Variants in AGK observed in about 807,000 individuals in gnomAD.
AGK encodes acylglycerol kinase, mitochondrial.
In AGK, 52 loss-of-function variants were observed where a neutral mutation model predicts 66.4. The ratio of observed to expected loss-of-function variants is 0.78; its 90% CI spans 0.63 to 0.99. AGK has a LOEUF of 0.99. AGK is among the 50% of genes least tolerant of loss of function. AGK has a pLI of 0.00. For synonymous variants in AGK, 182 were observed against 181.1 expected (o/e 1.00, Z -0.04); for missense variants, 451 against 506.6 (o/e 0.89, Z 1.05).
intron 5 of AGK, among the ~76,000 whole-genome samples, chr7:141,604,827 CT>C (rs1796423507): frequency 6.6e-6 from 1 of 151,964 alleles, no homozygotes; most frequent in Non-Finnish European, 1.5e-5. Flanking sequence ...CGTGATCTGC[CT>C]GCCTCGGCCT....
chr7:141,583,710 C>T (rs971170495), intron 2 of AGK, among the ~76,000 whole-genome samples: 2 of 151,738 alleles, frequency 1.3e-5, no homozygotes, highest in African/African-American at 2.4e-5. Flanking sequence ...TGTCTTCCTG[C>T]GTCCGTGACT....
intron 2 of AGK, among the ~76,000 whole-genome samples, chr7:141,566,782 C>T (rs1795480218): frequency 6.6e-6 from 1 of 152,190 alleles, no homozygotes; most frequent in Non-Finnish European, 1.5e-5. Flanking sequence ...TCCATTTCCT[C>T]ACTTGTATCT....
At chr7:141,615,435 A>G (rs532523468) in intron 7 of AGK, 36 bp from the exon 8 acceptor site, 2 of 1,569,608 alleles carry the variant, frequency 1.3e-6, no homozygotes, top group African/African-American at 1.4e-5. Context: ...TTTTCTGATC[A>G]TAACAATAAA....
intron 1 of AGK, among the ~76,000 whole-genome samples, chr7:141,552,863 C>A (rs1795126136): frequency 6.6e-6 from 1 of 152,170 alleles, no homozygotes; most frequent in Non-Finnish European, 1.5e-5. Context: ...TTGCTAAATT[C>A]TCCCCAGCGT....
Position 141,633,981 on chromosome 7 carries a change from G to C in AGK, c.668+1G>C. 6.2e-7 allele frequency: 1 copy of C among 1,612,396 alleles called. No homozygotes were observed. Among genetic ancestry groups the C allele is most frequent in the East Asian group, 2.2e-5 (1 of 44,882 alleles). On this transcript the variant is annotated splice_donor_variant, in intron 10 of 15. Coordinates refer to ENST00000649286, the MANE Select transcript of AGK (RefSeq NM_018238.4). LOFTEE classifies it high-confidence loss of function. ...GAGATGCTGGCGTCAAAGTTAGCAA[G>C]TAAAGGATTACTATATTGATGTGTG... is the stretch of plus-strand genomic sequence containing the variant.
At chr7:141,632,408 G>A (rs1196180990) in intron 9 of AGK, among the ~76,000 whole-genome samples, 1 of 152,100 alleles carries the variant, frequency 6.6e-6, no homozygotes, top group East Asian at 1.9e-4. Flanking sequence ...CCTCTTGGTT[G>A]CTGATGCCCC....
At position 141,634,104 on chromosome 7, in the gene AGK, T is replaced by C. The variant is rs957114585; in HGVS notation, c.668+124T>C. On this transcript the variant is annotated intron_variant, in intron 10 of 15. Transcript: ENST00000649286. ...TTTGGTGGGCCTGGAGGTTGAATTA[T>C]GTGTGAATAATGGAGGTAGGAACAA... 1.3e-5 allele frequency: 10 copies of C among 799,662 alleles called. No homozygotes were observed. In the African/African-American group the frequency reaches 1.5e-4, roughly 12 times the overall value. The allele number at this position is 799,662 out of a possible 1,614,324, so 49.5% of individuals were successfully genotyped here.
rs566783916 is a variant in AGK, at chr7:141,581,830, TAA to T, written c.102-11312_102-11311del. On this transcript the variant is annotated intron_variant, in intron 2 of 15. Coordinates refer to ENST00000649286, the MANE Select transcript of AGK (RefSeq NM_018238.4). ...AGGGAGCTGGGCAGGTGGGGATAAC[TAA>T]AAAGAGTGCATAAAAGAATGTTGTC... Among the ~76,000 whole-genome samples, 209 of 151,860 alleles carry T rather than the reference TAA, an allele frequency of 1.4e-3. 5 individuals are homozygous for T. The highest frequency in any genetic ancestry group is 4.9e-3 in the African/African-American group (201 of 41,274).
At chr7:141,587,060 A>G (rs1455151696) in intron 2 of AGK, among the ~76,000 whole-genome samples, 1 of 152,156 alleles carries the variant, frequency 6.6e-6, no homozygotes, top group Non-Finnish European at 1.5e-5. Context: ...ACCCAGAACT[A>G]AGCTCAGTTT....
intron 1 of AGK, among the ~76,000 whole-genome samples, chr7:141,554,293 T>C (rs1183549197): frequency 1.3e-5 from 2 of 151,620 alleles, no homozygotes; most frequent in African/African-American, 2.4e-5. Context: ...TGAGCTATGA[T>C]TGTGCCACTG....
chr7:141,556,771 C>G (rs1166422431), intron 2 of AGK, among the ~76,000 whole-genome samples: 1 of 152,084 alleles, frequency 6.6e-6, no homozygotes, highest in East Asian at 1.9e-4. Context: ...TCCTCCATCC[C>G]CTGTTACTAT....
intron 6 of AGK, among the ~76,000 whole-genome samples, chr7:141,612,559 G>A (rs1277364139): frequency 6.6e-6 from 1 of 152,128 alleles, no homozygotes; most frequent in Non-Finnish European, 1.5e-5. Context: ...AGGTGTCAAT[G>A]TAGGTCCATC....
At chr7:141,621,893 A>G (rs1796833689) in intron 9 of AGK, 92 bp downstream of exon 9, 1 of 936,106 alleles carries the variant, frequency 1.1e-6, no homozygotes, top group Non-Finnish European at 1.7e-6. Flanking sequence ...AAATGAGGTT[A>G]TAATGAAAAC....
At chr7:141,577,818 C>CTTTT (rs71172606) in intron 2 of AGK, among the ~76,000 whole-genome samples, 1 of 136,444 alleles carries the variant, frequency 7.3e-6, no homozygotes, top group Non-Finnish European at 1.6e-5. Context: ...CATAAATCTT[C>CTTTT]TTTTTTTTTT....
chr7:141,599,707 G>T (rs1288140653), intron 4 of AGK, among the ~76,000 whole-genome samples: 2 of 152,162 alleles, frequency 1.3e-5, no homozygotes, highest in Non-Finnish European at 2.9e-5. Context: ...AAGGAGAATT[G>T]TTTGCAGTAC....
chr7:141,635,519 G>A (rs1048510548), intron 10 of AGK, among the ~76,000 whole-genome samples: 5 of 152,148 alleles, frequency 3.3e-5, no homozygotes, highest in African/African-American at 1.2e-4. Context: ...TAGTAGCACA[G>A]TATCAACCTG....
intron 2 of AGK, among the ~76,000 whole-genome samples, chr7:141,583,522 A>G (rs1795928458): frequency 2.1e-5 from 3 of 145,940 alleles, no homozygotes; most frequent in Admixed American, 6.7e-5. Flanking sequence ...AAGTGGAGAG[A>G]AAAGAGAGGG....
At chr7:141,634,465 C>T (rs557902372) in intron 10 of AGK, among the ~76,000 whole-genome samples, 10 of 152,274 alleles carry the variant, frequency 6.6e-5, no homozygotes, top group African/African-American at 2.4e-4. Flanking sequence ...AAAGGCGGCG[C>T]CTGGCTGTGC....
chr7:141,603,572 G>T (rs1215345738), intron 5 of AGK, among the ~76,000 whole-genome samples: 1 of 152,126 alleles, frequency 6.6e-6, no homozygotes, highest in South Asian at 2.1e-4. Flanking sequence ...ATATTGTAAA[G>T]CCCATTTTCT....
Sources: gnomAD v4.1 joint callset for allele counts (sites outside exome capture counted in the v4.1 genomes callset) on GRCh38, gnomAD v4.1.1 for gene constraint, MANE v1.5 for transcripts, NCBI Gene and HGNC (gene_info 2026-07-23, HGNC 2026-07-21) for gene names.